COA8: variants seen among roughly 807,000 people sequenced by gnomAD.
COA8 encodes the protein cytochrome c oxidase assembly factor 8.
Under a neutral mutation model 22.0 loss-of-function variants are expected in COA8, and 20 were observed. The observed-to-expected ratio is 0.91, with a 90% CI of 0.64 to 1.32. The LOEUF (loss-of-function observed/expected upper bound fraction) is 1.32, where lower values mean the gene tolerates loss of function less well. COA8 is among the 40% of genes most tolerant of loss of function. The pLI is 0.00. For synonymous variants in COA8, 105 were observed against 79.9 expected, an observed-to-expected ratio of 1.31 and a Z score of -1.68; for missense variants, 266 against 230.0, an observed-to-expected ratio of 1.16 and a Z score of -1.01.
At chr14:103,573,574 A>G (rs1208482301) in intron 2 of COA8, among the ~76,000 whole-genome samples, 1 of 146,006 alleles carries the variant, frequency 6.8e-6, no homozygotes, top group African/African-American at 2.6e-5. Context: ...TTGTTTTGAG[A>G]CAGAGTCTCA....
rs187075408 is a variant in COA8, at chr14:103,585,113, G to A, written c.386-2161G>A. On this transcript the variant is annotated intron_variant, in intron 3 of 4. Coordinates refer to ENST00000409074, the MANE Select transcript of COA8 (RefSeq NM_001370595.2). ...AGATTGCGCCACTGCACTCCAGCCT[G>A]GGTGACAGAGCAAGACTCTGTCTCT... 1.1e-3 allele frequency among the ~76,000 whole-genome samples: 170 copies of A among 152,060 alleles called. 2 individuals are homozygous for A. The highest frequency in any genetic ancestry group is 7.7e-4 in the East Asian group (4 of 5,164).
intron 2 of COA8, among the ~76,000 whole-genome samples, chr14:103,573,506 T>C (rs2076204318): frequency 6.6e-6 from 1 of 151,950 alleles, no homozygotes; most frequent in Non-Finnish European, 1.5e-5. Flanking sequence ...GAGTGGGCTA[T>C]GTCTGGTGGG....
At chr14:103,567,906 C>T (rs552695592) in intron 1 of COA8, among the ~76,000 whole-genome samples, 1 of 152,142 alleles carries the variant, frequency 6.6e-6, no homozygotes, top group Non-Finnish European at 1.5e-5. Context: ...GTTGGCATTC[C>T]TGAAATTAGG....
At chr14:103,583,088 AT>A (rs1379708570) in intron 3 of COA8, among the ~76,000 whole-genome samples, 1 of 151,454 alleles carries the variant, frequency 6.6e-6, no homozygotes, top group Non-Finnish European at 1.5e-5. Flanking sequence ...CACTTTGGAG[AT>A]TTTTTTAATG....
intron 3 of COA8, among the ~76,000 whole-genome samples, chr14:103,575,995 G>T (rs2076227159): frequency 1.3e-5 from 2 of 151,718 alleles, no homozygotes; most frequent in African/African-American, 4.8e-5. Context: ...GAGCCACTGT[G>T]CCTGGCCAAA....
At position 103,575,259 on chromosome 14, in the gene COA8, C is replaced by T. The variant is rs141551655; in HGVS notation, c.385+1089C>T. On this transcript the variant is annotated intron_variant, in intron 3 of 4. Coordinates refer to ENST00000409074, the MANE Select transcript of COA8 (RefSeq NM_001370595.2). ...TAGGTCGGCTCATAGCTTGGAAGGG[C>T]TTTGGAGACAGCCACTCTCCTAACA... Among the ~76,000 whole-genome samples, 147 of 152,330 alleles carry T rather than the reference C, an allele frequency of 9.7e-4. 1 individual carries two copies. The highest frequency in any genetic ancestry group is 3.3e-3 in the African/African-American group (138 of 41,578).
intron 2 of COA8, 67 bp from the exon 3 acceptor site, chr14:103,574,040 A>C: frequency 2.0e-6 from 3 of 1,508,300 alleles, no homozygotes; most frequent in Non-Finnish European, 2.6e-6. Flanking sequence ...GCTCTAGCCA[A>C]AGAAAAATGG....
In COA8 at chr14:103,581,485, G is replaced by A; in HGVS notation, c.386-5789G>A. 1 of 395,114 alleles carries A rather than the reference G, an allele frequency of 2.5e-6. No homozygotes were observed. Among genetic ancestry groups the A allele is most frequent in the Non-Finnish European group, 4.5e-6 (1 of 224,262 alleles). The allele number at this position is 395,114 out of a possible 1,614,324, so 24.5% of individuals were successfully genotyped here. A position where few individuals can be genotyped will look rare whatever the true frequency, so the allele number is the denominator to read the frequency against. On this transcript the variant is annotated intron_variant, in intron 3 of 4. Coordinates refer to ENST00000409074, the MANE Select transcript of COA8 (RefSeq NM_001370595.2). This position sits in a 1 kb window ranked among gnomAD's most constrained non-coding sequence, Gnocchi z 4.1. ...GGCTGGTCGGAGTAGGACCTTGGGAGGTTTCATCACGCTACTCAGAACAGC... is the reference window on the plus strand; with the variant it reads ...GGCTGGTCGGAGTAGGACCTTGGGAAGTTTCATCACGCTACTCAGAACAGC...
At chr14:103,574,640 A>C (rs2142288735) in intron 3 of COA8, 1 of 353,336 alleles carries the variant, frequency 2.8e-6, no homozygotes, top group Admixed American at 3.9e-5. Flanking sequence ...CCCAAAAGCC[A>C]AGTCTGTCAT....
At chr14:103,577,377 A>G (rs72710739) in intron 3 of COA8, among the ~76,000 whole-genome samples, 8,029 of 151,220 alleles carry the variant, frequency 0.053, 310 homozygotes, top group Middle Eastern at 0.092. Context: ...CGCCCAGCCT[A>G]CAGTGCATAT....
At chr14:103,566,595 C>G (rs1308349972) in intron 1 of COA8, among the ~76,000 whole-genome samples, 1 of 152,324 alleles carries the variant, frequency 6.6e-6, no homozygotes, top group Admixed American at 6.5e-5. Context: ...GCCAGAGATA[C>G]AGAAATGAAT....
At chr14:103,568,532 C>T (rs2076153764) in intron 1 of COA8, among the ~76,000 whole-genome samples, 1 of 150,580 alleles carries the variant, frequency 6.6e-6, no homozygotes, top group Non-Finnish European at 1.5e-5. Context: ...CACACATACA[C>T]ATATACACAC....
chr14:103,567,772 T>C (rs1338283115), intron 1 of COA8, among the ~76,000 whole-genome samples: 1 of 152,096 alleles, frequency 6.6e-6, no homozygotes, highest in East Asian at 1.9e-4. Flanking sequence ...GGGAAAGAGA[T>C]GGTTGACTAG....
intron 3 of COA8, among the ~76,000 whole-genome samples, chr14:103,586,164 G>A (rs2076304970): frequency 1.4e-5 from 2 of 145,962 alleles, no homozygotes; most frequent in South Asian, 2.2e-4. Flanking sequence ...GCCTCCCAAA[G>A]TGCTGAGATT....
At chr14:103,578,621 C>G (rs910191704) in intron 3 of COA8, among the ~76,000 whole-genome samples, 2 of 152,188 alleles carry the variant, frequency 1.3e-5, no homozygotes, top group African/African-American at 4.8e-5. Context: ...CGGTGTTTTG[C>G]CTCTTTCCCT....
intron 1 of COA8, among the ~76,000 whole-genome samples, chr14:103,563,631 T>G (rs920424230): frequency 6.6e-6 from 1 of 152,352 alleles, no homozygotes; most frequent in African/African-American, 2.4e-5. Flanking sequence ...AAAGAATGTC[T>G]GTAGCAAGAA....
At chr14:103,588,634 A>G (rs1040655680) in intron 4 of COA8, among the ~76,000 whole-genome samples, 1 of 152,124 alleles carries the variant, frequency 6.6e-6, no homozygotes, top group Non-Finnish European at 1.5e-5. Context: ...GCTTGAGCCC[A>G]GGAGTTTGAG....
In COA8 at chr14:103,571,655, C is replaced by A; in HGVS notation, c.156C>A (p.Cys52Ter). 1 of 1,614,174 alleles carries A rather than the reference C, an allele frequency of 6.2e-7. No individual in the cohort carries two copies. The highest frequency in any genetic ancestry group is 1.1e-5 in the South Asian group (1 of 91,082). Reference protein sequence around the residue: ...VSRFCPPRKSCHDWIGPPDKY... With the variant: ...VSRFCPPRKS ...GATTCTGCCCTCCAAGAAAGTCTTG[C>A]CATGATTGGATAGGACCCCCAGATA... Residue 52 changes from cysteine to a stop codon, truncating the protein, a stop_gained, in exon 2 of 5, where the codon TGC (cysteine) becomes TGA (stop). Coordinates refer to ENST00000409074, the MANE Select transcript of COA8 (RefSeq NM_001370595.2). LOFTEE classifies it high-confidence loss of function.
chr14:103,571,737 G>C lies in COA8; in HGVS notation c.238G>C (p.Glu80Gln). The C allele has an allele frequency of 1.2e-6, 2 of 1,614,104 alleles. No individual in the cohort carries two copies. Among genetic ancestry groups the C allele is most frequent in the Non-Finnish European group, 1.7e-6 (2 of 1,180,018 alleles). ...CATACCTGAAAATGAATCTCCATTGGAACAAAAGCTTAGAAAATTAAGACA... is the reference window on the plus strand; with the variant it reads ...CATACCTGAAAATGAATCTCCATTGCAACAAAAGCTTAGAAAATTAAGACA... ...FYIPENESPL[E>Q]QKLRKLRQET... is the part of the protein sequence containing the mutation. Residue 80 changes from glutamate to glutamine, a missense_variant, in exon 2 of 5, where the codon GAA becomes CAA. Transcript: ENST00000409074.
Sources: allele counts gnomAD v4.1 joint callset (sites outside exome capture counted in the v4.1 genomes callset), GRCh38; gene constraint gnomAD v4.1.1; non-coding constraint Gnocchi (gnomAD v3.1); transcripts MANE v1.5; gene names NCBI Gene and HGNC (gene_info 2026-07-23, HGNC 2026-07-21).